Variants in SHISAL1 observed in about 807,000 individuals in gnomAD.
The protein encoded by SHISAL1 is shisa like 1.
A neutral mutation model predicts 22.6 loss-of-function variants in SHISAL1; 9 were observed. That is an observed-to-expected ratio of 0.40 (90% CI 0.24 to 0.70). The LOEUF (loss-of-function observed/expected upper bound fraction) is 0.70. Among genes scored for constraint, SHISAL1 ranks in the 30% least tolerant of loss-of-function variants. The pLI, the probability that SHISAL1 is intolerant of heterozygous loss-of-function variation, is 0.39. For missense variants in SHISAL1, 246 were observed against 270.6 expected, an observed-to-expected ratio of 0.91 and a Z score of 0.64; for synonymous variants, 119 against 115.4, an observed-to-expected ratio of 1.03 and a Z score of -0.20.
Position 44,310,940 on chromosome 22 carries a change from T to A in SHISAL1, c.-33+1811A>T, listed in dbSNP as rs2055513594. Reference sequence around the variant, plus strand: ...GAATAAATGTCTGCCGGCCATAGAGTAGGAACTCCATTAGCACTCGTTGGC... The same window carrying A: ...GAATAAATGTCTGCCGGCCATAGAGAAGGAACTCCATTAGCACTCGTTGGC... On this transcript the variant is annotated intron_variant, in intron 1 of 4. Transcript: ENST00000381176. The surrounding 1 kb of genome is among the most constrained non-coding windows in gnomAD (Gnocchi z 4.0). 6.6e-6 allele frequency among the ~76,000 whole-genome samples: 1 copy of A among 151,878 alleles called. No homozygotes were observed. Among genetic ancestry groups the A allele is most frequent in the African/African-American group, 2.4e-5 (1 of 41,338 alleles).
chr22:44,306,781 G>A, intron 1 of SHISAL1, among the ~76,000 whole-genome samples: 1 of 145,780 alleles, frequency 6.9e-6, no homozygotes, highest in Non-Finnish European at 1.5e-5. Flanking sequence ...TGTGCGGAGG[G>A]GACCTGGGCT....
rs1287032604 is a variant in SHISAL1, at chr22:44,248,376, A to AT, written c.*1308dup. 6.9e-6 allele frequency: 1 copy of AT among 145,742 alleles called. No individual in the cohort carries two copies. The highest frequency in any genetic ancestry group is 2.8e-5 in the African/African-American group (1 of 35,340). The allele number at this position is 145,742 out of a possible 1,614,324, so 9.0% of individuals were successfully genotyped here. On this transcript the variant is annotated 3_prime_UTR_variant, in exon 5 of 5. Transcript: ENST00000381176. ...ATTTGGTATCACTAACACCCATGGA[A>AT]TGAGTGTGTCTACACTGGCAGCATG...
At chr22:44,285,857 C>G in intron 3 of SHISAL1, 112 bp from the exon 4 acceptor site, 7 of 920,982 alleles carry the variant, frequency 7.6e-6, no homozygotes, top group Non-Finnish European at 1.0e-5. Context: ...TTGGGGTCCC[C>G]GGGAGGAGGG....
intron 1 of SHISAL1, among the ~76,000 whole-genome samples, chr22:44,308,830 G>A (rs1164211355): frequency 2.0e-5 from 3 of 152,200 alleles, no homozygotes; most frequent in East Asian, 1.9e-4. Context: ...CAGGGGCCAC[G>A]CTCGGGCCTG....
intron 4 of SHISAL1, among the ~76,000 whole-genome samples, chr22:44,283,802 T>C (rs1569217219): frequency 2.0e-5 from 3 of 152,222 alleles, no homozygotes; most frequent in African/African-American, 7.2e-5. Flanking sequence ...GTAGTGCCTA[T>C]GAGCATCACC....
At chr22:44,272,686 G>A (rs2055213253) in intron 4 of SHISAL1, among the ~76,000 whole-genome samples, 1 of 152,188 alleles carries the variant, frequency 6.6e-6, no homozygotes, top group Admixed American at 6.5e-5. Context: ...CTTTGCCTGG[G>A]GAAGGGCCAG....
intron 4 of SHISAL1, among the ~76,000 whole-genome samples, chr22:44,275,112 G>A (rs1164470381): frequency 6.6e-6 from 1 of 152,226 alleles, no homozygotes; most frequent in South Asian, 2.1e-4. Context: ...TTAAAACTAA[G>A]CGTGGGTGTT....
intron 4 of SHISAL1, among the ~76,000 whole-genome samples, chr22:44,276,465 G>A (rs2055240274): frequency 6.6e-6 from 1 of 152,024 alleles, no homozygotes; most frequent in South Asian, 2.1e-4. Context: ...CGCTGCTGCT[G>A]TCGGGGACAA....
chr22:44,290,530 A>AAAAAAAAAAAC (rs2055345543), intron 3 of SHISAL1, among the ~76,000 whole-genome samples: 1 of 108,474 alleles, frequency 9.2e-6, no homozygotes, highest in Non-Finnish European at 1.9e-5. Context: ...ACTCAGTCTC[A>AAAAAAAAAAAC]AAAAAAAAAA....
At chr22:44,272,491 A>C (rs1294464712) in intron 4 of SHISAL1, among the ~76,000 whole-genome samples, 1 of 152,256 alleles carries the variant, frequency 6.6e-6, no homozygotes, top group Non-Finnish European at 1.5e-5. Context: ...ATGCTTGCTG[A>C]ATAAATGAGT....
chr22:44,327,735 C>T, the SHISAL1 span, among the ~76,000 whole-genome samples: 1 of 152,078 alleles, frequency 6.6e-6, no homozygotes, highest in East Asian at 1.9e-4. Flanking sequence ...TCCTGCCAGG[C>T]CCTGTGCAGA....
chr22:44,305,032 C>T (rs2055460447), intron 1 of SHISAL1, among the ~76,000 whole-genome samples: 1 of 151,756 alleles, frequency 6.6e-6, no homozygotes, highest in South Asian at 2.1e-4. Flanking sequence ...CTGATGTTCA[C>T]CCCTGGGGGG....
chr22:44,258,669 G>A (rs192553966), intron 4 of SHISAL1, among the ~76,000 whole-genome samples: 46 of 152,274 alleles, frequency 3.0e-4, no homozygotes, highest in Non-Finnish European at 5.1e-4. Context: ...TTATGGCTGC[G>A]TTGTAGTCCA....
intron 1 of SHISAL1, 28 bp from the exon 2 acceptor site, chr22:44,301,005 G>C: frequency 6.6e-7 from 1 of 1,511,186 alleles, no homozygotes; most frequent in Non-Finnish European, 9.2e-7. Flanking sequence ...CGAGAGGCTG[G>C]GTGTGGGCTG....
intron 4 of SHISAL1, among the ~76,000 whole-genome samples, chr22:44,281,758 A>G (rs571145549): frequency 1.3e-5 from 2 of 152,302 alleles, no homozygotes; most frequent in South Asian, 4.1e-4. Context: ...AATCTGAGCA[A>G]GAAACTTCAC....
At chr22:44,271,116 C>T (rs1422181463) in intron 4 of SHISAL1, among the ~76,000 whole-genome samples, 1 of 152,152 alleles carries the variant, frequency 6.6e-6, no homozygotes, top group Non-Finnish European at 1.5e-5. Context: ...ATTTCATCCC[C>T]ATGATCCCCT....
chr22:44,270,572 C>G (rs542288206), intron 4 of SHISAL1, among the ~76,000 whole-genome samples: 1 of 152,142 alleles, frequency 6.6e-6, no homozygotes, highest in Non-Finnish European at 1.5e-5. Context: ...TCAGCAGTGC[C>G]GGGCAGGGAG....
In SHISAL1 at chr22:44,243,827, C is replaced by T. The variant is rs1016834509; in HGVS notation, c.*5858G>A. The T allele has an allele frequency of 2.6e-5, 4 of 152,206 alleles. No homozygotes were observed. Among genetic ancestry groups the T allele is most frequent in the African/African-American group, 9.7e-5 (4 of 41,448 alleles). The allele number at this position is 152,206 out of a possible 1,614,324, so 9.4% of individuals were successfully genotyped here. ...TAGGAATATTATTGGTTTTGGTTTT[C>T]CCGGTTATCAGCTCTCAGGGAGACC... On this transcript the variant is annotated 3_prime_UTR_variant, in exon 5 of 5. Coordinates refer to ENST00000381176, the MANE Select transcript of SHISAL1 (RefSeq NM_001099294.2).
the SHISAL1 span, among the ~76,000 whole-genome samples, chr22:44,328,422 G>A: frequency 2.0e-5 from 3 of 152,124 alleles, no homozygotes; most frequent in Non-Finnish European, 4.4e-5. Context: ...TACCTGGCTC[G>A]GGGCAGGCCT....
Sources: gnomAD v4.1 joint callset for allele counts (sites outside exome capture counted in the v4.1 genomes callset) on GRCh38, gnomAD v4.1.1 for gene constraint, Gnocchi (gnomAD v3.1) non-coding constraint, MANE v1.5 for transcripts, NCBI Gene and HGNC (gene_info 2026-07-23, HGNC 2026-07-21) for gene names.